The following FOXP2 variants were observed in gnomAD, a reference collection of about 807,000 sequenced individuals.
FOXP2 encodes the protein forkhead box protein P2.
In FOXP2, 12 loss-of-function variants were observed where a neutral mutation model predicts 115.8. That is an observed-to-expected ratio of 0.10 (90% CI 0.07 to 0.17). The LOEUF is 0.17. FOXP2 is among the 10% of genes least tolerant of loss of function. The pLI is 1.00. For missense variants in FOXP2, 629 were observed against 843.5 expected, an observed-to-expected ratio of 0.75 and a Z score of 3.15; for synonymous variants, 328 against 297.7, an observed-to-expected ratio of 1.10 and a Z score of -1.05.
chr7:114,091,883 TTGGACCTG>T (rs1446213712), intron 1 of FOXP2, among the ~76,000 whole-genome samples: 6 of 152,042 alleles, frequency 3.9e-5, no homozygotes, highest in African/African-American at 1.4e-4. Context: ...ATACACATTC[TTGGACCTG>T]TACTCAACTA....
At chr7:114,428,824 A>G (rs1009558030) in intron 2 of FOXP2, among the ~76,000 whole-genome samples, 13 of 151,544 alleles carry the variant, frequency 8.6e-5, no homozygotes, top group Admixed American at 3.3e-4. Context: ...TAAAAACCAT[A>G]AAGCATATTT....
intron 14 of FOXP2, 150 bp downstream of exon 14, chr7:114,662,336 T>C: frequency 9.2e-7 from 1 of 1,092,046 alleles, no homozygotes. Context: ...TAGGTGTAGG[T>C]GGCATAAATC....
intron 5 of FOXP2, 121 bp downstream of exon 5, chr7:114,630,126 A>G (rs781259526): frequency 2.1e-4 from 324 of 1,555,368 alleles, no homozygotes; most frequent in Non-Finnish European, 2.8e-4. Context: ...GCAGTATTAT[A>G]TATTTTTACT....
rs540634877 is a variant in FOXP2 at position 114,252,896 on chromosome 7, T to A, written c.-101-35123T>A. 2.7e-3 allele frequency among the ~76,000 whole-genome samples: 414 copies of A among 152,312 alleles called. 3 individuals are homozygous for A. The highest frequency in any genetic ancestry group is 9.5e-3 in the African/African-American group (395 of 41,568). ...TTAATTGTGATGTTAGGGTGTCAAT[T>A]TTAGATCTTTCCTGCTTTCTCTTGT... On this transcript the variant is annotated intron_variant, in intron 1 of 17. Transcript: ENST00000634411.
intron 1 of FOXP2, among the ~76,000 whole-genome samples, chr7:114,117,373 C>G (rs138725586): frequency 6.6e-6 from 1 of 151,814 alleles, no homozygotes; most frequent in Non-Finnish European, 1.5e-5. Context: ...AGATGTGCAC[C>G]ACCACGCCCA....
intron 2 of FOXP2, among the ~76,000 whole-genome samples, chr7:114,509,889 A>G (rs1562967116): frequency 6.6e-6 from 1 of 151,756 alleles, no homozygotes; most frequent in Admixed American, 6.6e-5. Flanking sequence ...TGAAGAGTTG[A>G]GAGGGAAAGG....
At chr7:114,237,789 C>T (rs964922254) in intron 1 of FOXP2, among the ~76,000 whole-genome samples, 1 of 152,022 alleles carries the variant, frequency 6.6e-6, no homozygotes, top group African/African-American at 2.4e-5. Context: ...GCCTGGGCAA[C>T]ATGGTGAAAC....
At chr7:114,518,121 C>A (rs888026909) in intron 2 of FOXP2, among the ~76,000 whole-genome samples, 1 of 152,012 alleles carries the variant, frequency 6.6e-6, no homozygotes, top group Non-Finnish European at 1.5e-5. Flanking sequence ...TTGTAAACAT[C>A]CCAGGTAACC....
intron 1 of FOXP2, among the ~76,000 whole-genome samples, chr7:114,244,906 C>G: frequency 6.6e-6 from 1 of 151,844 alleles, no homozygotes; most frequent in Non-Finnish European, 1.5e-5. Context: ...GGACTACAGG[C>G]GCCCACCATC....
chr7:114,535,647 A>C (rs539176407), intron 3 of FOXP2, among the ~76,000 whole-genome samples: 19 of 151,596 alleles, frequency 1.3e-4, no homozygotes, highest in Admixed American at 5.3e-4. Flanking sequence ...AGTTTGTATA[A>C]GAGAGAATTA....
intron 2 of FOXP2, chr7:114,463,109 A>T (rs1021757287): frequency 7.1e-6 from 3 of 420,692 alleles, no homozygotes; most frequent in African/African-American, 6.2e-5. Context: ...ACTCACTGCA[A>T]CCTGGAACTC....
chr7:114,249,686 T>C (rs1584577371), intron 1 of FOXP2, among the ~76,000 whole-genome samples: 1 of 152,292 alleles, frequency 6.6e-6, no homozygotes, highest in East Asian at 1.9e-4. Context: ...TGTGTGCATG[T>C]ATCTTTATAA....
chr7:114,362,725 T>C (rs1387889118), intron 2 of FOXP2, among the ~76,000 whole-genome samples: 1 of 152,068 alleles, frequency 6.6e-6, no homozygotes, highest in Non-Finnish European at 1.5e-5. Context: ...AAGCATATGC[T>C]ATAAAAAATC....
At chr7:114,385,023 A>T (rs1487642966) in intron 2 of FOXP2, among the ~76,000 whole-genome samples, 1 of 147,388 alleles carries the variant, frequency 6.8e-6, no homozygotes, top group Non-Finnish European at 1.5e-5. Context: ...TTTCTCTATG[A>T]CTCCCTCTTT....
chr7:114,335,117 T>C (rs1308378011), intron 2 of FOXP2, among the ~76,000 whole-genome samples: 1 of 151,246 alleles, frequency 6.6e-6, no homozygotes, highest in East Asian at 1.9e-4. Flanking sequence ...TTTATTTGTA[T>C]AGTAGCTATA....
chr7:114,454,246 C>T (rs1257337990), intron 2 of FOXP2, among the ~76,000 whole-genome samples: 4 of 152,090 alleles, frequency 2.6e-5, no homozygotes, highest in Non-Finnish European at 4.4e-5. Context: ...GACATCTATG[C>T]AGCCAAAAAA....
At chr7:114,554,495 A>G (rs1800363255) in intron 3 of FOXP2, among the ~76,000 whole-genome samples, 1 of 152,162 alleles carries the variant, frequency 6.6e-6, no homozygotes, top group Non-Finnish European at 1.5e-5. Context: ...CTAAAATTTG[A>G]CATTTTCTTT....
At chr7:114,209,698 G>A (rs1794294161) in intron 1 of FOXP2, among the ~76,000 whole-genome samples, 1 of 152,144 alleles carries the variant, frequency 6.6e-6, no homozygotes, top group Non-Finnish European at 1.5e-5. Context: ...GGCCTGTCTT[G>A]TTAGGTTGGG....
intron 3 of FOXP2, among the ~76,000 whole-genome samples, chr7:114,538,687 T>G (rs949589986): frequency 6.6e-6 from 1 of 151,726 alleles, no homozygotes; most frequent in Non-Finnish European, 1.5e-5. Flanking sequence ...ATTCCATGGT[T>G]AAATATTTAT....
Sources: gnomAD v4.1 joint callset for allele counts (sites outside exome capture counted in the v4.1 genomes callset) on GRCh38, gnomAD v4.1.1 for gene constraint, MANE v1.5 for transcripts, NCBI Gene and HGNC (gene_info 2026-07-23, HGNC 2026-07-21) for gene names.